CWC27: variants seen among roughly 807,000 people sequenced by gnomAD.
The protein encoded by CWC27 is spliceosome-associated protein CWC27 homolog.
Under a neutral mutation model 63.6 loss-of-function variants are expected in CWC27, and 47 were observed. That is an observed-to-expected ratio of 0.74 (90% confidence interval 0.58 to 0.94). The LOEUF is 0.94. CWC27 is among the 40% of genes least tolerant of loss of function. The pLI is 0.00. For missense variants in CWC27, 495 were observed against 554.3 expected, an observed-to-expected ratio of 0.89 and a Z score of 1.07; for synonymous variants, 175 against 179.8, an observed-to-expected ratio of 0.97 and a Z score of 0.22.
At chr5:64,830,353 G>T (rs1281570972) in intron 10 of CWC27, among the ~76,000 whole-genome samples, 4 of 152,050 alleles carry the variant, frequency 2.6e-5, no homozygotes, top group African/African-American at 7.2e-5. Flanking sequence ...AATAAATGGT[G>T]CTGGGAAAAC....
intron 10 of CWC27, among the ~76,000 whole-genome samples, chr5:64,880,087 A>G (rs915238731): frequency 7.2e-5 from 11 of 151,940 alleles, no homozygotes; most frequent in African/African-American, 2.7e-4. Flanking sequence ...TTCACATCAC[A>G]GTTCACATGC....
chr5:64,841,374 C>T (rs1488678610), intron 10 of CWC27, among the ~76,000 whole-genome samples: 1 of 152,188 alleles, frequency 6.6e-6, no homozygotes, highest in Non-Finnish European at 1.5e-5. Flanking sequence ...CTAATCACCT[C>T]GTAAAGATCC....
intron 10 of CWC27, among the ~76,000 whole-genome samples, chr5:64,871,621 G>T (rs771783433): frequency 1.3e-5 from 2 of 152,104 alleles, no homozygotes; most frequent in Non-Finnish European, 2.9e-5. Flanking sequence ...TGGACTTTGA[G>T]AATTAAGGGT....
At chr5:64,840,676 G>C (rs1401603520) in intron 10 of CWC27, among the ~76,000 whole-genome samples, 1 of 151,872 alleles carries the variant, frequency 6.6e-6, no homozygotes, top group Non-Finnish European at 1.5e-5. Flanking sequence ...CTTGTATTTT[G>C]TTGGGGAGCT....
intron 10 of CWC27, among the ~76,000 whole-genome samples, chr5:64,874,627 T>G (rs1746754253): frequency 6.6e-6 from 1 of 152,036 alleles, no homozygotes. Context: ...CCACCATGCC[T>G]GTGATTGTTA....
chr5:64,830,444 C>T (rs977157494), intron 10 of CWC27, among the ~76,000 whole-genome samples: 1 of 152,118 alleles, frequency 6.6e-6, no homozygotes, highest in Admixed American at 6.6e-5. Context: ...GGATTAAAGA[C>T]TTAAATGTTA....
intron 1 of CWC27, among the ~76,000 whole-genome samples, chr5:64,773,484 G>T (rs986298433): frequency 6.6e-6 from 1 of 152,146 alleles, no homozygotes; most frequent in Non-Finnish European, 1.5e-5. Context: ...CTGCTAATGA[G>T]TACAGGGTTT....
chr5:64,963,984 C>G (rs545650892), intron 11 of CWC27, among the ~76,000 whole-genome samples: 1 of 152,288 alleles, frequency 6.6e-6, no homozygotes, highest in African/African-American at 2.4e-5. Flanking sequence ...GACTGGGTTT[C>G]TATATTTACC....
intron 11 of CWC27, among the ~76,000 whole-genome samples, chr5:64,952,125 A>G (rs1748721637): frequency 6.6e-6 from 1 of 152,148 alleles, no homozygotes; most frequent in South Asian, 2.1e-4. Flanking sequence ...ATCCTTCCAT[A>G]TACTTTAAAT....
At chr5:65,002,502 T>A (rs1749748088) in intron 13 of CWC27, among the ~76,000 whole-genome samples, 1 of 152,194 alleles carries the variant, frequency 6.6e-6, no homozygotes, top group Non-Finnish European at 1.5e-5. Flanking sequence ...CATTTTCATT[T>A]GTTTAAACAA....
intron 12 of CWC27, among the ~76,000 whole-genome samples, chr5:64,975,424 T>A (rs542121155): frequency 6.6e-6 from 1 of 152,330 alleles, no homozygotes; most frequent in African/African-American, 2.4e-5. Flanking sequence ...GAATTCAACA[T>A]ACCAAAATCT....
intron 8 of CWC27, 93 bp downstream of exon 8, chr5:64,800,420 A>C (rs1580614911): frequency 1.2e-6 from 1 of 844,074 alleles, no homozygotes; most frequent in East Asian, 2.8e-5. Flanking sequence ...AGTCCTCATA[A>C]GTCAAAAATT....
chr5:64,840,430 T>C (rs868437889), intron 10 of CWC27, among the ~76,000 whole-genome samples: 7 of 103,182 alleles, frequency 6.8e-5, no homozygotes, highest in African/African-American at 2.6e-4. Context: ...TATATATATA[T>C]ACTTATTAAG....
chr5:64,870,234 A>G (rs1280744455), intron 10 of CWC27, among the ~76,000 whole-genome samples: 1 of 152,118 alleles, frequency 6.6e-6, no homozygotes, highest in Non-Finnish European at 1.5e-5. Flanking sequence ...TGCCATGGAA[A>G]TATTAAGAAA....
intron 7 of CWC27, among the ~76,000 whole-genome samples, chr5:64,798,019 G>A (rs1744340854): frequency 6.6e-6 from 1 of 152,058 alleles, no homozygotes; most frequent in African/African-American, 2.4e-5. Flanking sequence ...AACCAGGTGG[G>A]GAGAATTAAT....
At chr5:64,893,874 T>G (rs1211186228) in intron 11 of CWC27, among the ~76,000 whole-genome samples, 3 of 152,114 alleles carry the variant, frequency 2.0e-5, no homozygotes, top group African/African-American at 7.2e-5. Context: ...TATTTATATT[T>G]GTTACTTCTG....
Position 64,961,336 on chromosome 5 carries a change from C to A in CWC27, c.1043-10367C>A, listed in dbSNP as rs1036348752. Among the ~76,000 whole-genome samples the A allele has an allele frequency of 8.5e-5, 13 of 152,262 alleles. No individual in the cohort carries two copies. The East Asian group carries it at 2.3e-3, about 27-fold the overall frequency. Reference sequence around the variant, plus strand: ...AGATTAGAAGATCCTCAAGCTACTTCCTAGCTCTTGTGCTCTAGTAAACTG... The same window carrying A: ...AGATTAGAAGATCCTCAAGCTACTTACTAGCTCTTGTGCTCTAGTAAACTG... On this transcript the variant is annotated intron_variant, in intron 11 of 13. Coordinates refer to ENST00000381070, the MANE Select transcript of CWC27 (RefSeq NM_005869.4).
intron 11 of CWC27, among the ~76,000 whole-genome samples, chr5:64,900,201 C>G (rs1747468803): frequency 6.6e-6 from 1 of 152,202 alleles, no homozygotes; most frequent in Non-Finnish European, 1.5e-5. Context: ...CATAAACTAT[C>G]CTGTTAACTC....
chr5:64,804,117 A>T, intron 9 of CWC27, 112 bp from the exon 10 acceptor site: 2 of 992,226 alleles, frequency 2.0e-6, no homozygotes, highest in Non-Finnish European at 2.8e-6. Context: ...AACAAAATAA[A>T]AAAAAAAACC....
Sources: gnomAD v4.1 joint callset for allele counts (sites outside exome capture counted in the v4.1 genomes callset) on GRCh38, gnomAD v4.1.1 for gene constraint, MANE v1.5 for transcripts, NCBI Gene and HGNC (gene_info 2026-07-23, HGNC 2026-07-21) for gene names.